The following GABRA2 variants were observed in gnomAD, a reference collection of about 807,000 sequenced individuals.
GABRA2 encodes the protein gamma-aminobutyric acid receptor subunit alpha-2.
GABRA2 carries 16 observed loss-of-function variants against 48.7 expected under a neutral mutation model. The observed-to-expected ratio is 0.33, with a 90% confidence interval of 0.22 to 0.50. The LOEUF (loss-of-function observed/expected upper bound fraction) is 0.50, where lower values mean the gene tolerates loss of function less well. Among genes scored for constraint, GABRA2 ranks in the 20% least tolerant of loss-of-function variants. The pLI, the probability that GABRA2 is intolerant of heterozygous loss-of-function variation, is 0.98. For synonymous variants in GABRA2, 185 were observed against 184.5 expected (o/e 1.00, Z -0.02); for missense variants, 275 against 535.6 (o/e 0.51, Z 4.80).
intron 8 of GABRA2, among the ~76,000 whole-genome samples, chr4:46,281,764 A>G (rs1447508022): frequency 2.0e-5 from 3 of 152,188 alleles, no homozygotes; most frequent in Non-Finnish European, 4.4e-5. Context: ...ATCATCTTAA[A>G]AGGAGAGCAA....
intron 4 of GABRA2, among the ~76,000 whole-genome samples, chr4:46,331,561 G>T (rs1046230462): frequency 6.6e-6 from 1 of 152,124 alleles, no homozygotes; most frequent in African/African-American, 2.4e-5. Context: ...AGAAAGGGAA[G>T]AATTTCATCA....
rs1485727641 is a variant in GABRA2 at position 46,248,489 on chromosome 4, T to C, written c.*1819A>G. ...TTTTATTTTATTAAGGATTATGGAT[T>C]ACCTCTTGTGAGGGAATTTTTAATG... is the stretch of plus-strand genomic sequence containing the variant. On this transcript the variant is annotated 3_prime_UTR_variant, in exon 10 of 10. Coordinates refer to ENST00000381620, the MANE Select transcript of GABRA2 (RefSeq NM_000807.4). 6.6e-6 allele frequency: 1 copy of C among 151,468 alleles called. No individual in the cohort carries two copies. The highest frequency in any genetic ancestry group is 1.5e-5 in the Non-Finnish European group (1 of 67,608). The allele number at this position is 151,468 out of a possible 1,614,324, so 9.4% of individuals were successfully genotyped here.
At chr4:46,250,660 T>G in intron 9 of GABRA2, 56 bp from the exon 10 acceptor site, 1 of 1,327,768 alleles carries the variant, frequency 7.5e-7, no homozygotes, top group Non-Finnish European at 1.0e-6. Context: ...ACTTAACATT[T>G]TCTAAAGTCC....
At chr4:46,334,012 A>G (rs1345098785) in intron 3 of GABRA2, among the ~76,000 whole-genome samples, 1 of 152,142 alleles carries the variant, frequency 6.6e-6, no homozygotes, top group Admixed American at 6.6e-5. Context: ...CTCCAAATAA[A>G]TATGTTCATT....
At chr4:46,343,429 T>C (rs991633728) in intron 3 of GABRA2, among the ~76,000 whole-genome samples, 3 of 151,904 alleles carry the variant, frequency 2.0e-5, no homozygotes, top group African/African-American at 7.2e-5. Context: ...AAGAGGTGCA[T>C]TATAAAGATC....
chr4:46,338,453 T>A (rs1732644782), intron 3 of GABRA2, among the ~76,000 whole-genome samples: 1 of 151,974 alleles, frequency 6.6e-6, no homozygotes, highest in African/African-American at 2.4e-5. Context: ...GGTTATTGCA[T>A]TAGCCAATCT....
At chr4:46,306,976 A>G (rs1726812677) in intron 6 of GABRA2, among the ~76,000 whole-genome samples, 1 of 152,154 alleles carries the variant, frequency 6.6e-6, no homozygotes, top group Admixed American at 6.6e-5. Context: ...GAATGTTGCT[A>G]CTAAATGTTA....
chr4:46,302,946 T>G (rs1726001447), intron 8 of GABRA2, among the ~76,000 whole-genome samples: 1 of 152,170 alleles, frequency 6.6e-6, no homozygotes, highest in Admixed American at 6.5e-5. Context: ...CCCCCAACTT[T>G]CTTCCTTCAG....
intron 2 of GABRA2, 131 bp downstream of exon 2, chr4:46,388,505 A>T (rs183310186): frequency 5.4e-5 from 57 of 1,063,556 alleles, no homozygotes; most frequent in Non-Finnish European, 6.5e-5. Context: ...TTCATAGTTC[A>T]CTTTCCCCAT....
intron 8 of GABRA2, among the ~76,000 whole-genome samples, chr4:46,279,094 TTG>T (rs1444341196): frequency 6.6e-6 from 1 of 152,042 alleles, no homozygotes; most frequent in Non-Finnish European, 1.5e-5. Flanking sequence ...GACAGCAGCT[TTG>T]TGCGCCGTGT....
At chr4:46,350,882 T>TA (rs1215374196) in intron 3 of GABRA2, among the ~76,000 whole-genome samples, 1 of 151,844 alleles carries the variant, frequency 6.6e-6, no homozygotes, top group African/African-American at 2.4e-5. Flanking sequence ...GCATAAATCA[T>TA]AAAAATAATC....
At chr4:46,376,756 C>G (rs1004391710) in intron 3 of GABRA2, among the ~76,000 whole-genome samples, 2 of 151,168 alleles carry the variant, frequency 1.3e-5, no homozygotes, top group Non-Finnish European at 3.0e-5. Flanking sequence ...CTCCCTCTCC[C>G]TCTCCCTCTC....
At chr4:46,292,570 C>A (rs1723886444) in intron 8 of GABRA2, among the ~76,000 whole-genome samples, 1 of 152,202 alleles carries the variant, frequency 6.6e-6, no homozygotes, top group African/African-American at 2.4e-5. Flanking sequence ...GATTTGGGCG[C>A]ACTAAGTAGA....
At chr4:46,372,194 A>G (rs1280110259) in intron 3 of GABRA2, among the ~76,000 whole-genome samples, 3 of 152,310 alleles carry the variant, frequency 2.0e-5, no homozygotes, top group African/African-American at 7.2e-5. Flanking sequence ...ATTATCAAAT[A>G]CATCCTCCTC....
chr4:46,359,202 C>T (rs370114572), intron 3 of GABRA2, among the ~76,000 whole-genome samples: 2 of 152,090 alleles, frequency 1.3e-5, no homozygotes, highest in African/African-American at 4.8e-5. Flanking sequence ...TCACGTACTC[C>T]AAATTTAGGG....
chr4:46,334,489 G>T (rs1200503035), intron 3 of GABRA2, among the ~76,000 whole-genome samples: 2 of 152,104 alleles, frequency 1.3e-5, no homozygotes, highest in Non-Finnish European at 2.9e-5. Flanking sequence ...AAAATGTGAA[G>T]GTAGCTTTTA....
At chr4:46,372,499 A>G (rs1360574544) in intron 3 of GABRA2, among the ~76,000 whole-genome samples, 1 of 152,136 alleles carries the variant, frequency 6.6e-6, no homozygotes, top group African/African-American at 2.4e-5. Context: ...AAAAAAAATA[A>G]AGAGTCGATG....
In GABRA2 at chr4:46,390,074, G is replaced by T. The variant is rs1216272032; in HGVS notation, c.-350C>A. The T allele has an allele frequency of 3.1e-5, 6 of 191,174 alleles. No individual in the cohort carries two copies. The highest frequency in any genetic ancestry group is 5.2e-5 in the Non-Finnish European group (6 of 114,442). The allele number at this position is 191,174 out of a possible 1,614,324, so 11.8% of individuals were successfully genotyped here. ...TGGGGCCGGGGGGGGAAATTGGGGGGACGCGGGCGGAGGCGCGGTGCGCGC... is the reference window on the plus strand; with the variant it reads ...TGGGGCCGGGGGGGGAAATTGGGGGTACGCGGGCGGAGGCGCGGTGCGCGC... On this transcript the variant is annotated 5_prime_UTR_variant, in exon 1 of 10. Transcript: ENST00000381620.
intron 6 of GABRA2, among the ~76,000 whole-genome samples, chr4:46,308,059 C>T (rs1727007628): frequency 6.6e-6 from 1 of 151,936 alleles, no homozygotes; most frequent in Non-Finnish European, 1.5e-5. Context: ...TTTTTGAGTC[C>T]TATGTTGCAT....
Sources: gnomAD v4.1 joint callset for allele counts (sites outside exome capture counted in the v4.1 genomes callset) on GRCh38, gnomAD v4.1.1 for gene constraint, MANE v1.5 for transcripts, NCBI Gene and HGNC (gene_info 2026-07-23, HGNC 2026-07-21) for gene names.